Variants in HOXA11 observed in about 807,000 individuals in gnomAD.
HOXA11 encodes homeobox A11.
In HOXA11, 8 loss-of-function variants were observed where a neutral mutation model predicts 22.5. That is an observed-to-expected ratio of 0.36 (90% CI 0.21 to 0.64). The LOEUF (loss-of-function observed/expected upper bound fraction) is 0.64. Ranked by LOEUF, HOXA11 falls within the 30% of genes least tolerant of loss-of-function variation. The pLI is 0.67. For missense variants in HOXA11, 388 were observed against 429.0 expected (o/e 0.90, Z 0.84); for synonymous variants, 211 against 188.4 (o/e 1.12, Z -0.98).
rs769200906 is a variant in HOXA11 at position 27,185,061 on chromosome 7, G to T, written c.84C>A (p.Ser28=). The change falls in exon 1 of 2, where the codon TCC becomes TCA. Residue 28 remains serine, a synonymous_variant. Transcript: ENST00000006015. ...CTYYVSGPDF[S]SLPSFLPQTP... The stretch of plus-strand genomic sequence containing the variant: ...TCTGGGGCAGAAAAGAAGGGAGGCT[G>T]GAGAAATCTGGACCCGAGACGTAGT... 84 of 1,614,072 alleles carry T rather than the reference G, an allele frequency of 5.2e-5. No homozygotes were observed. Among genetic ancestry groups the T allele is most frequent in the Non-Finnish European group, 6.6e-5 (78 of 1,180,038 alleles).
In HOXA11 at chr7:27,181,719, T is replaced by A. The variant is rs1016075395; in HGVS notation, c.*1077A>T. 1.2e-5 allele frequency: 2 copies of A among 172,378 alleles called. No individual in the cohort carries two copies. Among genetic ancestry groups the A allele is most frequent in the South Asian group, 2.0e-4 (1 of 5,010 alleles). 10.7% of individuals were successfully genotyped at this position (172,378 alleles called of 1,614,324 possible). ...TCCTTCAGGGAAATATATATATATA[T>A]AATATAATATTTATCTTTTAAAATA... On this transcript the variant is annotated 3_prime_UTR_variant, in exon 2 of 2. Transcript: ENST00000006015.
Position 27,184,730 on chromosome 7 carries a change from C to T in HOXA11, c.415G>A (p.Ala139Thr). 3 of 1,613,864 alleles carry T rather than the reference C, an allele frequency of 1.9e-6. No individual in the cohort carries two copies. The highest frequency in any genetic ancestry group is 2.5e-6 in the Non-Finnish European group (3 of 1,179,942). Reference protein sequence around the residue: ...TVGRNGVLPQAFDQFFETAYG... With the variant: ...TVGRNGVLPQTFDQFFETAYG... ...GCTGTCTCGAAAAACTGGTCGAAAGCCTGTGGCAGGACGCCGTTCCTGCCC... is the reference window on the plus strand; with the variant it reads ...GCTGTCTCGAAAAACTGGTCGAAAGTCTGTGGCAGGACGCCGTTCCTGCCC... Residue 139 changes from alanine (A) to threonine (T), a missense_variant, in exon 1 of 2, where the codon GCT (alanine) becomes ACT (threonine). Around this residue, in one of 4 missense-constraint regions of HOXA11, gnomAD observed 295 missense variants for 281.1 expected, o/e 1.05. Coordinates refer to ENST00000006015, the MANE Select transcript of HOXA11 (RefSeq NM_005523.6).
At position 27,184,644 on chromosome 7, in the gene HOXA11, C is replaced by G. The variant is rs1053886105; in HGVS notation, c.501G>C (p.Lys167Asn). The change falls in exon 1 of 2, where the codon AAG becomes AAC. Residue 167 changes from lysine to asparagine, a missense_variant. Around this residue, in one of 4 missense-constraint regions of HOXA11, gnomAD observed 295 missense variants for 281.1 expected, o/e 1.05. Transcript: ENST00000006015. ...SDYPGDKSAE[K>N]GPPAATATSA... is the part of the protein sequence containing the mutation. ...AGGTCGCCGTGGCCGCCGGGGGCCC[C>G]TTCTCGGCGCTCTTGTCCCCGGGGT... 31 of 1,595,070 alleles carry G rather than the reference C, an allele frequency of 1.9e-5. No homozygotes were observed. Among genetic ancestry groups the G allele is most frequent in the Non-Finnish European group, 2.6e-5 (31 of 1,172,406 alleles).
At position 27,181,463 on chromosome 7, in the gene HOXA11, A is replaced by C. The variant is rs1461279531; in HGVS notation, c.*1333T>G. Reference sequence around the variant, plus strand: ...TCCACCCCCTCCAACACCCTAAAGGAAATCAACTAATGGCAAAAGAAAAAA... The same window carrying C: ...TCCACCCCCTCCAACACCCTAAAGGCAATCAACTAATGGCAAAAGAAAAAA... On this transcript the variant is annotated 3_prime_UTR_variant, in exon 2 of 2. Coordinates refer to ENST00000006015, the MANE Select transcript of HOXA11 (RefSeq NM_005523.6). 4.6e-5 allele frequency: 9 copies of C among 197,086 alleles called. No homozygotes were observed. The highest frequency in any genetic ancestry group is 9.5e-5 in the Non-Finnish European group (9 of 94,790). 12.2% of individuals were successfully genotyped at this position (197,086 alleles called of 1,614,324 possible).
Position 27,184,656 on chromosome 7 carries a change from C to T in HOXA11, c.489G>A (p.Lys163=). 1 of 1,610,202 alleles carries T rather than the reference C, an allele frequency of 6.2e-7. No individual in the cohort carries two copies. The highest frequency in any genetic ancestry group is 1.1e-5 in the South Asian group (1 of 90,818). Reference sequence around the variant, plus strand: ...CCGCCGGGGGCCCCTTCTCGGCGCTCTTGTCCCCGGGGTAGTCGGAGGAGG... The same window carrying T: ...CCGCCGGGGGCCCCTTCTCGGCGCTTTTGTCCCCGGGGTAGTCGGAGGAGG... ...NLASSDYPGD[K]SAEKGPPAAT... is the part of the protein sequence containing the mutation. The change falls in exon 1 of 2, where the codon AAG becomes AAA. Residue 163 remains lysine (K), a synonymous_variant. Coordinates refer to ENST00000006015, the MANE Select transcript of HOXA11 (RefSeq NM_005523.6).
rs989695135 is a variant in HOXA11 at position 27,185,025 on chromosome 7, C to T, written c.120G>A (p.Ser40=). ...LPSFLPQTPS[S]RPMTYSYSSN... ...AGGAGTAGGAGTATGTCATTGGGCG[C>T]GAAGACGGGGTCTGGGGCAGAAAAG... is the stretch of plus-strand genomic sequence containing the variant. Residue 40 remains serine, a synonymous_variant, in exon 1 of 2, where the codon TCG becomes TCA. Coordinates refer to ENST00000006015, the MANE Select transcript of HOXA11 (RefSeq NM_005523.6). 3.1e-6 allele frequency: 5 copies of T among 1,613,754 alleles called. No individual in the cohort carries two copies. Among genetic ancestry groups the T allele is most frequent in the Non-Finnish European group, 4.2e-6 (5 of 1,180,012 alleles).
rs867876049 is a variant in HOXA11, at chr7:27,185,120, A to G, written c.25T>C (p.Cys9Arg). The change falls in exon 1 of 2, where the codon TGC (cysteine) becomes CGC (arginine). Residue 9 changes from cysteine (C) to arginine (R), a missense_variant. This residue lies in a region of HOXA11 where 26 missense variants were observed against 26.5 expected (regional missense o/e 0.98). Transcript: ENST00000006015. ...CTTGGCAAATACATGTTAGAGGAGC[A>G]GGGACCACGCTCATCAAAATCCATT... MDFDERGP[C>R]SSNMYLPSCT... 1 of 1,614,050 alleles carries G rather than the reference A, an allele frequency of 6.2e-7. No individual in the cohort carries two copies. The highest frequency in any genetic ancestry group is 1.7e-4 in the Middle Eastern group (1 of 6,060).
chr7:27,184,843 C>T lies in HOXA11; in HGVS notation c.302G>A (p.Gly101Asp). ...RDCLQAPSAA[G>D]VPGDVLAKSS... is the part of the protein sequence containing the mutation. ...CTTGGCCAGCACGTCGCCAGGCACG[C>T]CGGCCGCGCTGGGCGCCTGCAGGCA... is the stretch of plus-strand genomic sequence containing the variant. The change falls in exon 1 of 2, where the codon GGC becomes GAC. Residue 101 changes from glycine to aspartate, a missense_variant. By Grantham distance (94) the Gly-to-Asp change is moderately conservative. Around this residue, in one of 4 missense-constraint regions of HOXA11, gnomAD observed 295 missense variants for 281.1 expected, o/e 1.05. Coordinates refer to ENST00000006015, the MANE Select transcript of HOXA11 (RefSeq NM_005523.6). 6.2e-7 allele frequency: 1 copy of T among 1,613,356 alleles called. No individual in the cohort carries two copies.
rs919545673 is a variant in HOXA11, at chr7:27,184,562, C to T, written c.583G>A (p.Gly195Ser). The T allele has an allele frequency of 6.7e-7, 1 of 1,497,686 alleles. No individual in the cohort carries two copies. The highest frequency in any genetic ancestry group is 2.2e-5 in the Admixed American group (1 of 45,608). The allele number at this position is 1,497,686 out of a possible 1,614,324, so 92.8% of individuals were successfully genotyped here. A position where few individuals can be genotyped will look rare whatever the true frequency, so the allele number is the denominator to read the frequency against. The change falls in exon 1 of 2, where the codon GGC (glycine) becomes AGC (serine). Residue 195 changes from glycine (G) to serine (S), a missense_variant. Physicochemically the swap from Gly to Ser is moderately conservative, Grantham distance 56 (BLOSUM62 0). Coordinates refer to ENST00000006015, the MANE Select transcript of HOXA11 (RefSeq NM_005523.6). ...GTCTCCCGGCAGCCGCCGCCGCCGCCGCTGTCCGAACTTGAAGTTGCCGGC... is the reference window on the plus strand; with the variant it reads ...GTCTCCCGGCAGCCGCCGCCGCCGCTGCTGTCCGAACTTGAAGTTGCCGGC... ...GAPATSSSDS[G>S]GGGGCRETAA...
chr7:27,184,612 GC>G lies in HOXA11; in HGVS notation c.532del (p.Ala178ArgfsTer117). ...CGCGCCCGTTGCAGCCGCCGCCGCC[GC>G]CGCGGAGGTCGCCGTGGCCGCCGGG... The part of the protein sequence containing the change: ...GPPAATATSA[A>X]AAAAATGAPA... On this transcript the variant is annotated frameshift_variant, in exon 1 of 2. Coordinates refer to ENST00000006015, the MANE Select transcript of HOXA11 (RefSeq NM_005523.6). LOFTEE classifies it high-confidence loss of function. 2 of 1,515,520 alleles carry G rather than the reference GC, an allele frequency of 1.3e-6. No homozygotes were observed. The highest frequency in any genetic ancestry group is 1.8e-6 in the Non-Finnish European group (2 of 1,133,026). The allele number at this position is 1,515,520 out of a possible 1,614,324, so 93.9% of individuals were successfully genotyped here. A position where few individuals can be genotyped will look rare whatever the true frequency, so the allele number is the denominator to read the frequency against.
rs774005691 is a variant in HOXA11, at chr7:27,184,459, G to T, written c.686C>A (p.Thr229Asn). 7 of 1,565,604 alleles carry T rather than the reference G, an allele frequency of 4.5e-6. No individual in the cohort carries two copies. The highest frequency in any genetic ancestry group is 5.2e-6 in the Non-Finnish European group (6 of 1,155,718). Residue 229 changes from threonine to asparagine, a missense_variant, in exon 1 of 2, where the codon ACT (threonine) becomes AAT (asparagine). Coordinates refer to ENST00000006015, the MANE Select transcript of HOXA11 (RefSeq NM_005523.6). Reference protein sequence around the residue: ...SSSPESSSGHTEDKAGGSSGQ... With the variant: ...SSSPESSSGHNEDKAGGSSGQ... ...ACTGGAGCCGCCGGCCTTGTCCTCA[G>T]TGTGGCCGGAAGACGACTCGGGGCT...
Position 27,181,439 on chromosome 7 carries a change from C to T in HOXA11, c.*1357G>A, listed in dbSNP as rs904641381. ...AAAAAGACCATTCTCAATACCTTTT[C>T]CACCCCCTCCAACACCCTAAAGGAA... On this transcript the variant is annotated 3_prime_UTR_variant, in exon 2 of 2. Transcript: ENST00000006015. 1.3e-5 allele frequency: 2 copies of T among 148,370 alleles called. No homozygotes were observed. The highest frequency in any genetic ancestry group is 2.8e-4 in the South Asian group (1 of 3,542). 9.2% of individuals were successfully genotyped at this position (148,370 alleles called of 1,614,324 possible).
At chr7:27,184,272 C>A (rs1008384848) in intron 1 of HOXA11, among the ~76,000 whole-genome samples, 164 bp downstream of exon 1, 1 of 152,184 alleles carries the variant, frequency 6.6e-6, no homozygotes, top group Non-Finnish European at 1.5e-5. Flanking sequence ...TCAGCACTCG[C>A]CACGTGATCC....
rs1454827995 is a variant in HOXA11 at position 27,182,758 on chromosome 7, T to G, written c.*38A>C. On this transcript the variant is annotated 3_prime_UTR_variant, in exon 2 of 2. Coordinates refer to ENST00000006015, the MANE Select transcript of HOXA11 (RefSeq NM_005523.6). ...GGCAAAATCTGCATATTATCTCATG[T>G]GTATGAAGCCCCCCACCCAATTCCA... 8.0e-7 allele frequency: 1 copy of G among 1,257,646 alleles called. No individual in the cohort carries two copies. Among genetic ancestry groups the G allele is most frequent in the African/African-American group, 1.5e-5 (1 of 67,854 alleles). The allele number at this position is 1,257,646 out of a possible 1,614,324, so 77.9% of individuals were successfully genotyped here.
Position 27,184,902 on chromosome 7 carries a change from G to A in HOXA11, c.243C>T (p.His81=), listed in dbSNP as rs1783839642. The change falls in exon 1 of 2, where the codon CAC becomes CAT. Residue 81 remains histidine, a synonymous_variant. Transcript: ENST00000006015. The part of the protein sequence containing the change: ...TKWHPRGNLA[H]CYSAEELVHR... ...GCACGAGCTCCTCCGCGGAGTAGCA[G>A]TGGGCCAGATTGCCGCGGGGGTGCC... 4 of 1,614,114 alleles carry A rather than the reference G, an allele frequency of 2.5e-6. No individual in the cohort carries two copies. The highest frequency in any genetic ancestry group is 3.4e-6 in the Non-Finnish European group (4 of 1,179,992).
rs1783779000 is a variant in HOXA11 at position 27,182,095 on chromosome 7, C to A, written c.*701G>T. 8.5e-6 allele frequency: 2 copies of A among 236,198 alleles called. No homozygotes were observed. Among genetic ancestry groups the A allele is most frequent in the Non-Finnish European group, 1.7e-5 (2 of 119,866 alleles). The allele number at this position is 236,198 out of a possible 1,614,324, so 14.6% of individuals were successfully genotyped here. A position where few individuals can be genotyped will look rare whatever the true frequency, so the allele number is the denominator to read the frequency against. ...CGAGGCTTTGGGCCTGAGTGGCAGGCTGGAACCAAGACCCTCATTTGGTAG... is the reference window on the plus strand; with the variant it reads ...CGAGGCTTTGGGCCTGAGTGGCAGGATGGAACCAAGACCCTCATTTGGTAG... On this transcript the variant is annotated 3_prime_UTR_variant, in exon 2 of 2. Transcript: ENST00000006015.
intron 1 of HOXA11, 23 bp downstream of exon 1, chr7:27,184,413 C>A: frequency 6.4e-7 from 1 of 1,572,582 alleles, no homozygotes. Flanking sequence ...TCATAAAGCG[C>A]AGGGCGCTGC....
In HOXA11 at chr7:27,182,944, T is replaced by C. The variant is rs1172770334; in HGVS notation, c.794A>G (p.Tyr265Cys). ...TTGCAGGCGCTTCTCTTTGTTAATG[T>C]AGACGCTGAAGAAGAACTCCCGTTC... ...ELEREFFFSV[Y>C]INKEKRLQLS... Residue 265 changes from tyrosine (Y) to cysteine (C), a missense_variant, in exon 2 of 2, where the codon TAC becomes TGC. Transcript: ENST00000006015. 1.2e-6 allele frequency: 2 copies of C among 1,614,120 alleles called. No homozygotes were observed. Among genetic ancestry groups the C allele is most frequent in the Non-Finnish European group, 1.7e-6 (2 of 1,179,968 alleles).
chr7:27,184,055 AAAATCT>A (rs1279173260), intron 1 of HOXA11, among the ~76,000 whole-genome samples: 1 of 152,138 alleles, frequency 6.6e-6, no homozygotes, highest in Middle Eastern at 3.2e-3. Flanking sequence ...GGCTTTTATA[AAAATCT>A]CCGGATTACC....
Sources: gnomAD v4.1 joint callset for allele counts (sites outside exome capture counted in the v4.1 genomes callset) on GRCh38, gnomAD v4.1.1 for gene constraint, gnomAD v4.1.1 regional missense constraint, MANE v1.5 for transcripts, NCBI Gene and HGNC (gene_info 2026-07-23, HGNC 2026-07-21) for gene names.